The following CRYBG1 variants were observed in gnomAD, a reference collection of about 807,000 sequenced individuals.
CRYBG1 encodes crystallin beta-gamma domain containing 1.
A neutral mutation model predicts 189.2 loss-of-function variants in CRYBG1; 139 were observed. The observed-to-expected ratio is 0.73, with a 90% confidence interval of 0.64 to 0.85. The LOEUF is 0.85. Ranked by LOEUF, CRYBG1 falls within the 40% of genes least tolerant of loss-of-function variation. CRYBG1 has a pLI of 0.00. For missense variants in CRYBG1, 2,611 were observed against 2,675.8 expected, an observed-to-expected ratio of 0.98 and a Z score of 0.53; for synonymous variants, 1,023 against 1,017.1, an observed-to-expected ratio of 1.01 and a Z score of -0.11.
chr6:106,519,471 G>A lies in CRYBG1; in HGVS notation c.2263G>A (p.Val755Ile), dbSNP rs184018153. The A allele has an allele frequency of 6.3e-5, 101 of 1,613,938 alleles. No homozygotes were observed. Among genetic ancestry groups the A allele is most frequent in the South Asian group, 4.2e-4 (38 of 91,092 alleles). ...KETAIETKVT[V>I]SEEEILPATR... is the part of the protein sequence containing the mutation. ...AACTGCTATAGAAACCAAAGTTACC[G>A]TCTCGGAAGAAGAGATTCTGCCAGC... The change falls in exon 4 of 22, where the codon GTC (valine) becomes ATC (isoleucine). Residue 755 changes from valine to isoleucine, a missense_variant. Coordinates refer to ENST00000633556, the MANE Select transcript of CRYBG1 (RefSeq NM_001371242.2).
chr6:106,384,404 C>A (rs555517058), intron 1 of CRYBG1, among the ~76,000 whole-genome samples: 1 of 152,236 alleles, frequency 6.6e-6, no homozygotes, highest in South Asian at 2.1e-4. Flanking sequence ...TCTCTTATTA[C>A]TACATTGTAA....
chr6:106,417,590 T>C (rs1771048602), intron 1 of CRYBG1, among the ~76,000 whole-genome samples: 1 of 152,220 alleles, frequency 6.6e-6, no homozygotes, highest in Admixed American at 6.5e-5. Context: ...TCTTCTTTCA[T>C]AGGTTAGGGA....
At chr6:106,436,221 G>C (rs1423077744) in intron 1 of CRYBG1, among the ~76,000 whole-genome samples, 1 of 151,774 alleles carries the variant, frequency 6.6e-6, no homozygotes, top group Non-Finnish European at 1.5e-5. Flanking sequence ...ACTAGCCAGA[G>C]AATTCCTGTT....
chr6:106,480,700 G>A (rs1298002542), intron 2 of CRYBG1, among the ~76,000 whole-genome samples: 1 of 150,760 alleles, frequency 6.6e-6, no homozygotes, highest in Non-Finnish European at 1.5e-5. Flanking sequence ...ACCTCTGCAT[G>A]GTAGCTCACG....
chr6:106,430,199 G>A (rs1771299359), intron 1 of CRYBG1, among the ~76,000 whole-genome samples: 1 of 152,170 alleles, frequency 6.6e-6, no homozygotes, highest in South Asian at 2.1e-4. Flanking sequence ...GGGAGGCCAA[G>A]GCAGAAGGAT....
At chr6:106,469,352 G>A (rs935756129) in intron 2 of CRYBG1, among the ~76,000 whole-genome samples, 2 of 152,172 alleles carry the variant, frequency 1.3e-5, no homozygotes, top group Non-Finnish European at 2.9e-5. Context: ...TTTCCTGCTT[G>A]CTTGTTGTCT....
At chr6:106,510,293 C>T (rs1338067608) in intron 2 of CRYBG1, among the ~76,000 whole-genome samples, 6 of 152,248 alleles carry the variant, frequency 3.9e-5, no homozygotes, top group Non-Finnish European at 8.8e-5. Flanking sequence ...TTCCCAGGCT[C>T]GCCTCCTCCT....
chr6:106,498,945 A>T (rs1425974664), intron 2 of CRYBG1, among the ~76,000 whole-genome samples: 2 of 152,264 alleles, frequency 1.3e-5, no homozygotes, highest in African/African-American at 4.8e-5. Context: ...ATACCAAACA[A>T]CATATACAAA....
chr6:106,539,950 T>C (rs557214530), intron 9 of CRYBG1, among the ~76,000 whole-genome samples: 1 of 152,270 alleles, frequency 6.6e-6, no homozygotes, highest in South Asian at 2.1e-4. Context: ...TCTTAAAAAA[T>C]TAGCAGGATG....
At position 106,502,323 on chromosome 6, in the gene CRYBG1, C is replaced by T. The variant is rs79269805; in HGVS notation, c.313-9107C>T. The stretch of plus-strand genomic sequence containing the variant: ...CTTTTTAAATTGCATAAGGAATGTA[C>T]TTTCTGGGTTACAAGTTAATAAAAA... On this transcript the variant is annotated intron_variant, in intron 2 of 21. Transcript: ENST00000633556. Among the ~76,000 whole-genome samples the T allele has an allele frequency of 7.9e-5, 12 of 152,290 alleles. No individual in the cohort carries two copies. In the East Asian group the frequency reaches 2.3e-3, roughly 29 times the overall value.
chr6:106,547,211 CA>C (rs879804716), intron 13 of CRYBG1, among the ~76,000 whole-genome samples: 794 of 25,406 alleles, frequency 0.031, 5 homozygotes, highest in Non-Finnish European at 0.095. Context: ...CACACACACA[CA>C]CCACTTCCTT....
chr6:106,531,110 CT>C (rs1207257043), intron 8 of CRYBG1, among the ~76,000 whole-genome samples: 1 of 152,124 alleles, frequency 6.6e-6, no homozygotes, highest in Non-Finnish European at 1.5e-5. Flanking sequence ...CAGCCTGTCC[CT>C]AAAGTGGTAT....
intron 1 of CRYBG1, among the ~76,000 whole-genome samples, chr6:106,419,252 G>C (rs541259030): frequency 5.9e-5 from 9 of 152,178 alleles, no homozygotes; most frequent in Non-Finnish European, 1.2e-4. Context: ...TGATTTGGAG[G>C]CTGCTTTTCA....
chr6:106,391,146 G>A (rs898050367), intron 1 of CRYBG1, among the ~76,000 whole-genome samples: 7 of 152,042 alleles, frequency 4.6e-5, no homozygotes, highest in Non-Finnish European at 8.8e-5. Context: ...CGGCTCACTG[G>A]TTCAAGCCAG....
At chr6:106,560,167 T>G (rs1278414804) in intron 18 of CRYBG1, among the ~76,000 whole-genome samples, 1 of 152,192 alleles carries the variant, frequency 6.6e-6, no homozygotes, top group Non-Finnish European at 1.5e-5. Context: ...ATATTTTGTT[T>G]TTATGATAAG....
In CRYBG1 at chr6:106,370,507, C is replaced by T. The variant is rs1324457425; in HGVS notation, c.173+9426C>T. ...CTGCTTGAATCCATTGGTTTTACCT[C>T]CTGACTTATTCTTGAGGATTCCCTG... On this transcript the variant is annotated intron_variant, in intron 1 of 21. Transcript: ENST00000633556. Among the ~76,000 whole-genome samples the T allele has an allele frequency of 2.6e-5, 4 of 152,312 alleles. No homozygotes were observed. In the South Asian group the frequency reaches 6.2e-4, roughly 24 times the overall value.
At chr6:106,419,133 A>G (rs1460600682) in intron 1 of CRYBG1, among the ~76,000 whole-genome samples, 1 of 152,214 alleles carries the variant, frequency 6.6e-6, no homozygotes, top group Non-Finnish European at 1.5e-5. Flanking sequence ...GCTCCCAGGT[A>G]GCATTTTTCC....
chr6:106,395,919 T>C (rs954209126), intron 1 of CRYBG1, among the ~76,000 whole-genome samples: 9 of 152,220 alleles, frequency 5.9e-5, no homozygotes, highest in African/African-American at 1.9e-4. Context: ...TGATAACACT[T>C]AGCTGAGGCA....
At chr6:106,371,856 C>G (rs1277291789) in intron 1 of CRYBG1, among the ~76,000 whole-genome samples, 2 of 152,216 alleles carry the variant, frequency 1.3e-5, no homozygotes, top group Non-Finnish European at 2.9e-5. Flanking sequence ...GCCTAGAAGT[C>G]TTAGTAGCTA....
Sources: allele counts gnomAD v4.1 joint callset (sites outside exome capture counted in the v4.1 genomes callset), GRCh38; gene constraint gnomAD v4.1.1; transcripts MANE v1.5; gene names NCBI Gene and HGNC (gene_info 2026-07-23, HGNC 2026-07-21).